PAK5: variants seen among roughly 807,000 people sequenced by gnomAD.
The protein encoded by PAK5 is serine/threonine-protein kinase PAK 5.
Under a neutral mutation model 65.9 loss-of-function variants are expected in PAK5, and 16 were observed. The observed-to-expected ratio is 0.24, with a 90% confidence interval of 0.16 to 0.37. PAK5 has a LOEUF of 0.37. Among genes scored for constraint, PAK5 ranks in the 10% least tolerant of loss-of-function variants. The pLI is 1.00. For missense variants in PAK5, 785 were observed against 903.9 expected (o/e 0.87, Z 1.69); for synonymous variants, 371 against 354.9 (o/e 1.05, Z -0.51).
intron 1 of PAK5, among the ~76,000 whole-genome samples, chr20:9,758,683 C>T (rs986155268): frequency 4.6e-5 from 7 of 152,156 alleles, no homozygotes; most frequent in African/African-American, 1.7e-4. Context: ...AGGCTTTCCC[C>T]CTTGGAGTCT....
At chr20:9,763,297 G>A (rs941104125) in intron 1 of PAK5, among the ~76,000 whole-genome samples, 2 of 151,990 alleles carry the variant, frequency 1.3e-5, no homozygotes, top group African/African-American at 4.8e-5. Context: ...ATTATAATAA[G>A]AGGGGCAGGG....
intron 1 of PAK5, among the ~76,000 whole-genome samples, chr20:9,761,214 GC>G (rs1402837052): frequency 6.6e-6 from 1 of 152,062 alleles, no homozygotes; most frequent in Admixed American, 6.6e-5. Flanking sequence ...CAGGCCTGAT[GC>G]TGTATTAACT....
intron 2 of PAK5, among the ~76,000 whole-genome samples, chr20:9,706,260 T>C (rs568215765): frequency 8.5e-5 from 13 of 152,318 alleles, no homozygotes; most frequent in Non-Finnish European, 1.3e-4. Context: ...CTACTCACTA[T>C]GCTTAGCACG....
At chr20:9,539,923 CA>C (rs1243724059) in intron 9 of PAK5, among the ~76,000 whole-genome samples, 2 of 152,120 alleles carry the variant, frequency 1.3e-5, no homozygotes, top group African/African-American at 4.8e-5. Context: ...TTAGTATGTG[CA>C]GGTGCTGGTC....
chr20:9,757,691 T>C (rs1376387189), intron 1 of PAK5, among the ~76,000 whole-genome samples: 1 of 152,228 alleles, frequency 6.6e-6, no homozygotes, highest in Non-Finnish European at 1.5e-5. Flanking sequence ...AACCAAGTAC[T>C]GATGAATACA....
At chr20:9,734,257 A>G (rs1303719398) in intron 1 of PAK5, among the ~76,000 whole-genome samples, 1 of 152,216 alleles carries the variant, frequency 6.6e-6, no homozygotes, top group African/African-American at 2.4e-5. Flanking sequence ...AAGAAGCTCT[A>G]TATTGAGTGT....
At chr20:9,678,867 A>G (rs2123395685) in intron 2 of PAK5, among the ~76,000 whole-genome samples, 1 of 152,230 alleles carries the variant, frequency 6.6e-6, no homozygotes, top group South Asian at 2.1e-4. Flanking sequence ...ACACATGGGG[A>G]TTATGGGAAG....
At chr20:9,598,214 G>T (rs538931983) in intron 3 of PAK5, among the ~76,000 whole-genome samples, 1 of 152,118 alleles carries the variant, frequency 6.6e-6, no homozygotes, top group South Asian at 2.1e-4. Context: ...GCGGTGTTTC[G>T]TTTTGTGTTC....
intron 9 of PAK5, among the ~76,000 whole-genome samples, chr20:9,542,064 T>C (rs1323898165): frequency 1.3e-5 from 2 of 152,232 alleles, no homozygotes; most frequent in African/African-American, 2.4e-5. Context: ...AACAGACTCA[T>C]ACAACCAGCT....
intron 1 of PAK5, among the ~76,000 whole-genome samples, chr20:9,766,283 A>T (rs28733511): frequency 0.058 from 3,854 of 66,262 alleles, 537 homozygotes; most frequent in East Asian, 0.12. Context: ...ATATATTCTA[A>T]TTGAATATAT....
chr20:9,817,933 C>G (rs7362632), intron 1 of PAK5, among the ~76,000 whole-genome samples: 1 of 152,224 alleles, frequency 6.6e-6, no homozygotes, highest in Non-Finnish European at 1.5e-5. Flanking sequence ...CACAGAGCAG[C>G]TAGGGGTCAT....
At chr20:9,702,563 G>T (rs999055715) in intron 2 of PAK5, among the ~76,000 whole-genome samples, 1 of 152,150 alleles carries the variant, frequency 6.6e-6, no homozygotes, top group African/African-American at 2.4e-5. Flanking sequence ...TGAGCTGACT[G>T]CCATGGTTCC....
chr20:9,714,972 G>A (rs970844734), intron 1 of PAK5, among the ~76,000 whole-genome samples: 4 of 152,164 alleles, frequency 2.6e-5, no homozygotes, highest in Non-Finnish European at 5.9e-5. Flanking sequence ...TACCATTCAG[G>A]ACATAGGCAT....
chr20:9,827,952 A>C (rs62192943), intron 1 of PAK5, among the ~76,000 whole-genome samples: 48,816 of 152,056 alleles, frequency 0.32, 8,157 homozygotes, highest in Admixed American at 0.39. Flanking sequence ...TTGCCTCAGC[A>C]TCCCAAGTAG....
intron 2 of PAK5, among the ~76,000 whole-genome samples, chr20:9,708,346 G>A (rs372251914): frequency 8.6e-5 from 13 of 151,884 alleles, no homozygotes; most frequent in African/African-American, 2.2e-4. Context: ...ATTAAAGACC[G>A]GAATAACATA....
chr20:9,548,793 T>G (rs78365370), intron 7 of PAK5, among the ~76,000 whole-genome samples: 2,324 of 152,348 alleles, frequency 0.015, 26 homozygotes, highest in Middle Eastern at 0.031. Context: ...GGAACACAGA[T>G]GAAATGAAAA....
chr20:9,556,808 C>T (rs767248991), intron 7 of PAK5, among the ~76,000 whole-genome samples: 41 of 152,228 alleles, frequency 2.7e-4, no homozygotes, highest in Admixed American at 6.5e-4. Flanking sequence ...CTACTGGATC[C>T]ATTTTCCTCC....
At chr20:9,596,465 T>C (rs1603239196) in intron 3 of PAK5, among the ~76,000 whole-genome samples, 1 of 151,586 alleles carries the variant, frequency 6.6e-6, no homozygotes, top group Non-Finnish European at 1.5e-5. Flanking sequence ...TGAAACCCCG[T>C]CTCTACTAAA....
chr20:9,718,431 C>T (rs1236461067), intron 1 of PAK5, among the ~76,000 whole-genome samples: 3 of 152,168 alleles, frequency 2.0e-5, no homozygotes, highest in Admixed American at 6.5e-5. Flanking sequence ...CCCAGAGATG[C>T]AATTTTGTGA....
Sources: gnomAD v4.1 joint callset for allele counts (sites outside exome capture counted in the v4.1 genomes callset) on GRCh38, gnomAD v4.1.1 for gene constraint, MANE v1.5 for transcripts, NCBI Gene and HGNC (gene_info 2026-07-23, HGNC 2026-07-21) for gene names.